The following NAV2 variants were observed in gnomAD, a reference collection of about 807,000 sequenced individuals.
NAV2 encodes the protein neuron navigator 2.
A neutral mutation model predicts 223.2 loss-of-function variants in NAV2; 54 were observed. The ratio of observed to expected loss-of-function variants is 0.24; its 90% CI spans 0.19 to 0.30. The LOEUF (loss-of-function observed/expected upper bound fraction) is 0.30, where lower values mean the gene tolerates loss of function less well. Among genes scored for constraint, NAV2 ranks in the 10% least tolerant of loss-of-function variants. NAV2 has a pLI of 1.00. For missense variants in NAV2, 2,806 were observed against 3,147.5 expected, an observed-to-expected ratio of 0.89 and a Z score of 2.60; for synonymous variants, 1,279 against 1,239.3, an observed-to-expected ratio of 1.03 and a Z score of -0.67.
chr11:19,870,011 C>A (rs981707332), intron 4 of NAV2, among the ~76,000 whole-genome samples: 1 of 152,134 alleles, frequency 6.6e-6, no homozygotes. Context: ...GTATAAATGA[C>A]CACTATTAAT....
intron 22 of NAV2, among the ~76,000 whole-genome samples, chr11:20,075,423 A>AGTAT (rs2059674291): frequency 6.6e-6 from 1 of 151,776 alleles, no homozygotes; most frequent in South Asian, 2.1e-4. Flanking sequence ...TTGTATTTTT[A>AGTAT]GTAGAGACGG....
At chr11:20,085,143 G>A (rs1320237563) in intron 26 of NAV2, among the ~76,000 whole-genome samples, 1 of 151,146 alleles carries the variant, frequency 6.6e-6, no homozygotes, top group Non-Finnish European at 1.5e-5. Flanking sequence ...CCAGTGAGCT[G>A]TGATCACCCT....
At chr11:20,091,772 T>G (rs1232992582) in intron 27 of NAV2, among the ~76,000 whole-genome samples, 1 of 152,232 alleles carries the variant, frequency 6.6e-6, no homozygotes, top group African/African-American at 2.4e-5. Context: ...AGAAGCTCTA[T>G]GAAAGGAGAA....
At chr11:19,498,097 C>A (rs2042855246) in intron 1 of NAV2, among the ~76,000 whole-genome samples, 1 of 152,306 alleles carries the variant, frequency 6.6e-6, no homozygotes, top group African/African-American at 2.4e-5. Flanking sequence ...GACACAGCAG[C>A]CTGGCTCCAG....
chr11:19,693,261 C>T (rs1037124491), intron 1 of NAV2, among the ~76,000 whole-genome samples: 6 of 152,228 alleles, frequency 3.9e-5, no homozygotes, highest in South Asian at 2.1e-4. Context: ...TGCTGTGTTT[C>T]GAGTGAGATA....
chr11:19,584,806 G>A (rs1265229998), intron 1 of NAV2, among the ~76,000 whole-genome samples: 2 of 152,154 alleles, frequency 1.3e-5, no homozygotes, highest in Non-Finnish European at 1.5e-5. Flanking sequence ...CAACTATGTG[G>A]TCAATTTTGG....
chr11:20,081,054 G>T (rs896181792), intron 25 of NAV2, among the ~76,000 whole-genome samples: 1 of 152,182 alleles, frequency 6.6e-6, no homozygotes, highest in Non-Finnish European at 1.5e-5. Context: ...TTCACTAGTA[G>T]CTTCAGTGTC....
chr11:20,020,827 T>C (rs985210381), intron 11 of NAV2, among the ~76,000 whole-genome samples: 1 of 152,128 alleles, frequency 6.6e-6, no homozygotes, highest in East Asian at 1.9e-4. Context: ...ATTTAGGCAC[T>C]CTCCTCTCTC....
intron 1 of NAV2, among the ~76,000 whole-genome samples, chr11:19,802,719 A>AAAG (rs2058342454): frequency 6.6e-6 from 1 of 151,788 alleles, no homozygotes; most frequent in Non-Finnish European, 1.5e-5. Context: ...CTCAAAAAAA[A>AAAG]AAAAAAAAAA....
At chr11:19,646,596 A>G (rs2047821997) in intron 1 of NAV2, among the ~76,000 whole-genome samples, 1 of 152,272 alleles carries the variant, frequency 6.6e-6, no homozygotes, top group South Asian at 2.1e-4. Context: ...GTTACAGTAC[A>G]GGATCTGGGG....
intron 11 of NAV2, among the ~76,000 whole-genome samples, chr11:20,034,366 T>TG (rs1325159431): frequency 2.0e-5 from 2 of 98,358 alleles, no homozygotes; most frequent in Admixed American, 1.2e-4. Context: ...TTTTTTGTTT[T>TG]TTTTTTTTTT....
chr11:19,572,700 G>A (rs528449748), intron 1 of NAV2, among the ~76,000 whole-genome samples: 3 of 152,250 alleles, frequency 2.0e-5, no homozygotes, highest in South Asian at 2.1e-4. Context: ...TCCCACTTAT[G>A]AGCTGCATGA....
chr11:19,913,224 G>T (rs2043471069), intron 6 of NAV2, among the ~76,000 whole-genome samples: 1 of 152,140 alleles, frequency 6.6e-6, no homozygotes, highest in African/African-American at 2.4e-5. Flanking sequence ...GAGATGCATT[G>T]CCTGGTACAT....
intron 1 of NAV2, among the ~76,000 whole-genome samples, chr11:19,696,710 C>A (rs982243328): frequency 6.6e-6 from 1 of 152,204 alleles, no homozygotes; most frequent in African/African-American, 2.4e-5. Flanking sequence ...TTCATCCACT[C>A]AAAAACTATT....
At chr11:20,106,340 C>A (rs1396949905) in intron 35 of NAV2, among the ~76,000 whole-genome samples, 1 of 147,498 alleles carries the variant, frequency 6.8e-6, no homozygotes, top group Non-Finnish European at 1.5e-5. Flanking sequence ...ATATGGATCA[C>A]CTCAAGTTAA....
chr11:19,877,490 T>TG (rs1287519060), intron 4 of NAV2, among the ~76,000 whole-genome samples: 1 of 145,298 alleles, frequency 6.9e-6, no homozygotes, highest in Non-Finnish European at 1.5e-5. Flanking sequence ...TTTTTTTTTT[T>TG]GAGACAGAGT....
chr11:19,384,232 A>C (rs1386301796), intron 1 of NAV2, among the ~76,000 whole-genome samples: 2 of 152,224 alleles, frequency 1.3e-5, no homozygotes, highest in African/African-American at 2.4e-5. Context: ...AAAATATAAA[A>C]TGTTTATCTC....
At position 19,933,285 on chromosome 11, in the gene NAV2, C is replaced by T; in HGVS notation, c.1041C>T (p.Ala347=). 1 of 1,613,562 alleles carries T rather than the reference C, an allele frequency of 6.2e-7. No individual in the cohort carries two copies. Among genetic ancestry groups the T allele is most frequent in the South Asian group, 1.1e-5 (1 of 90,982 alleles). Residue 347 remains alanine, a synonymous_variant, in exon 7 of 38, where the codon GCC becomes GCT. Transcript: ENST00000349880. This position sits in a 1 kb window ranked among gnomAD's most constrained non-coding sequence, Gnocchi z 4.3. ...CTACTAATTGCAGTACCTCCTCGGC[C>T]ATCCCGCAGCCCGGTGCAGCCACCA... ...STPTNCSTSS[A]IPQPGAATKP... is the part of the protein sequence containing the mutation.
intron 1 of NAV2, among the ~76,000 whole-genome samples, chr11:19,542,763 A>G (rs1281865595): frequency 6.6e-6 from 1 of 152,260 alleles, no homozygotes; most frequent in African/African-American, 2.4e-5. Flanking sequence ...CAGGTGAGAA[A>G]ACTGAGATTC....
Sources: allele counts gnomAD v4.1 joint callset (sites outside exome capture counted in the v4.1 genomes callset), GRCh38; gene constraint gnomAD v4.1.1; non-coding constraint Gnocchi (gnomAD v3.1); transcripts MANE v1.5; gene names NCBI Gene and HGNC (gene_info 2026-07-23, HGNC 2026-07-21).